Variants in LPL observed in about 807,000 individuals in gnomAD.
LPL encodes lipoprotein lipase.
Under a neutral mutation model 52.2 loss-of-function variants are expected in LPL, and 43 were observed. The ratio of observed to expected loss-of-function variants is 0.82; its 90% CI spans 0.64 to 1.06. LPL has a LOEUF of 1.06. Among genes scored for constraint, LPL ranks in the 50% least tolerant of loss-of-function variants. The pLI is 0.00. For missense variants in LPL, 639 were observed against 585.3 expected (o/e 1.09, Z -0.95); for synonymous variants, 244 against 215.6 (o/e 1.13, Z -1.15).
At position 19,962,158 on chromosome 8, in the gene LPL, G is replaced by A; in HGVS notation, c.1366G>A (p.Gly456Arg). The A allele has an allele frequency of 1.2e-6, 2 of 1,613,932 alleles. No homozygotes were observed. Among genetic ancestry groups the A allele is most frequent in the Non-Finnish European group, 1.7e-6 (2 of 1,179,862 alleles). ...GGAGAAAGTGTCTCATTTGCAGAAA[G>A]GAAAGGCACCTGCGGTATTTGTGAA... Reference protein sequence around the residue: ...SREKVSHLQKGKAPAVFVKCH... With the variant: ...SREKVSHLQKRKAPAVFVKCH... Residue 456 changes from glycine to arginine, a missense_variant, in exon 9 of 10, where the codon GGA becomes AGA. Gly to Arg is a moderately radical substitution (Grantham distance 125). Coordinates refer to ENST00000650287, the MANE Select transcript of LPL (RefSeq NM_000237.3).
chr8:19,954,390 T>C lies in LPL; in HGVS notation c.775+37T>C, dbSNP rs255. ...TTAGAAGCGAATTAAATGTGACTCTTATCCTTAACCCTTATTGACCCAATG... is the reference window on the plus strand; with the variant it reads ...TTAGAAGCGAATTAAATGTGACTCTCATCCTTAACCCTTATTGACCCAATG... On this transcript the variant is annotated intron_variant, in intron 5 of 9. Coordinates refer to ENST00000650287, the MANE Select transcript of LPL (RefSeq NM_000237.3). The C allele has an allele frequency of 0.16, 248,622 of 1,581,682 alleles. 20,369 individuals are homozygous for C. Among genetic ancestry groups the C allele is most frequent in the African/African-American group, 0.23 (16,923 of 74,298 alleles).
Position 19,939,332 on chromosome 8 carries a change from G to T in LPL, c.-109G>T. 9.7e-7 allele frequency: 1 copy of T among 1,033,376 alleles called. No individual in the cohort carries two copies. The highest frequency in any genetic ancestry group is 1.4e-5 in the South Asian group (1 of 72,774). 64.0% of individuals were successfully genotyped at this position (1,033,376 alleles called of 1,614,324 possible). On this transcript the variant is annotated 5_prime_UTR_variant, in exon 1 of 10. Coordinates refer to ENST00000650287, the MANE Select transcript of LPL (RefSeq NM_000237.3). The surrounding 1 kb of genome is among the most constrained non-coding windows in gnomAD (Gnocchi z 4.0). ...GCTGCCCTGCCATCCCCTTTAAAGG[G>T]CGACTTGCTCAGCGCCAAACCGCGG...
intron 9 of LPL, among the ~76,000 whole-genome samples, chr8:19,962,946 T>G (rs1261173186): frequency 6.6e-6 from 1 of 152,174 alleles, no homozygotes; most frequent in Non-Finnish European, 1.5e-5. Context: ...ATTCCAGGAA[T>G]ATGCCCTTTT....
At position 19,953,417 on chromosome 8, in the gene LPL, T is replaced by C; in HGVS notation, c.537T>C (p.Ile179=). ...GSLTNKKVNR[I]TGLDPAGPNF... ...TGACCAATAAGAAAGTCAACAGAAT[T>C]ACTGGTAAGAAAGCAATTTCGTTGG... Residue 179 remains isoleucine, a synonymous_variant, in exon 4 of 10, where the codon ATT becomes ATC. Coordinates refer to ENST00000650287, the MANE Select transcript of LPL (RefSeq NM_000237.3). The C allele has an allele frequency of 6.2e-7, 1 of 1,611,632 alleles. No individual in the cohort carries two copies. The highest frequency in any genetic ancestry group is 1.1e-5 in the South Asian group (1 of 91,048).
intron 5 of LPL, among the ~76,000 whole-genome samples, chr8:19,954,952 C>A (rs1356341646): frequency 6.6e-6 from 1 of 152,162 alleles, no homozygotes; most frequent in Non-Finnish European, 1.5e-5. Context: ...GATCCTCCTG[C>A]CTCAGCCTCC....
intron 1 of LPL, among the ~76,000 whole-genome samples, chr8:19,943,839 C>T (rs948154238): frequency 1.4e-4 from 21 of 152,078 alleles, no homozygotes; most frequent in African/African-American, 5.1e-4. Context: ...GGGTAAAATT[C>T]AGATGATTCA....
intron 1 of LPL, among the ~76,000 whole-genome samples, chr8:19,947,128 TGCCA>T (rs1563568370): frequency 6.6e-6 from 1 of 152,220 alleles, no homozygotes. Context: ...AAGTATATCT[TGCCA>T]TAGGAGTGGG....
rs1034636498 is a variant in LPL at position 19,939,672 on chromosome 8, G to T, written c.88+144G>T. 24 of 827,418 alleles carry T rather than the reference G, an allele frequency of 2.9e-5. No individual in the cohort carries two copies. Among genetic ancestry groups the T allele is most frequent in the Admixed American group, 1.0e-4 (4 of 38,550 alleles). The allele number at this position is 827,418 out of a possible 1,614,324, so 51.3% of individuals were successfully genotyped here. A position where few individuals can be genotyped will look rare whatever the true frequency, so the allele number is the denominator to read the frequency against. ...CCAGCCTGGGCTCTAGCCCCGAAAC[G>T]GTCCCCGGAGTGGGATCCAGGAGGG... is the stretch of plus-strand genomic sequence containing the variant. On this transcript the variant is annotated intron_variant, in intron 1 of 9. Transcript: ENST00000650287. This position sits in a 1 kb window ranked among gnomAD's most constrained non-coding sequence, Gnocchi z 4.0.
chr8:19,951,062 C>T (rs2069930392), intron 2 of LPL, among the ~76,000 whole-genome samples: 1 of 152,144 alleles, frequency 6.6e-6, no homozygotes, highest in Non-Finnish European at 1.5e-5. Context: ...TGGGGACTCA[C>T]AGGCACAGAC....
intron 1 of LPL, among the ~76,000 whole-genome samples, chr8:19,943,155 T>C (rs2069854492): frequency 6.6e-6 from 1 of 152,230 alleles, no homozygotes; most frequent in South Asian, 2.1e-4. Context: ...TTCGTAAATG[T>C]TGAAGTCTCT....
chr8:19,951,654 C>G (rs1277596707), intron 2 of LPL, 115 bp from the exon 3 acceptor site: 3 of 1,099,674 alleles, frequency 2.7e-6, no homozygotes, highest in Non-Finnish European at 2.8e-6. Context: ...TCTATCTGTG[C>G]CAATGGGTTT....
Position 19,965,589 on chromosome 8 carries a change from A to G in LPL, c.*279A>G. 2.3e-6 allele frequency: 1 copy of G among 431,558 alleles called. No individual in the cohort carries two copies. Among genetic ancestry groups the G allele is most frequent in the East Asian group, 3.7e-5 (1 of 27,274 alleles). 26.7% of individuals were successfully genotyped at this position (431,558 alleles called of 1,614,324 possible). On this transcript the variant is annotated 3_prime_UTR_variant, in exon 10 of 10. Coordinates refer to ENST00000650287, the MANE Select transcript of LPL (RefSeq NM_000237.3). ...AAAGTGCTGTTTTGTCCTTTGAGAA[A>G]GAAATAATTGTTTGAGCGCAGAGTA...
chr8:19,967,075 G>C lies in LPL; in HGVS notation c.*1765G>C, dbSNP rs1254827596. The C allele has an allele frequency of 1.3e-5, 2 of 152,544 alleles. No individual in the cohort carries two copies. Among genetic ancestry groups the C allele is most frequent in the African/African-American group, 4.8e-5 (2 of 41,412 alleles). The allele number at this position is 152,544 out of a possible 1,614,324, so 9.4% of individuals were successfully genotyped here. ...AATGGAGCTTGTACATATTGGAAAG[G>C]TCATTGTGGCTATCTGCATTTATAA... On this transcript the variant is annotated 3_prime_UTR_variant, in exon 10 of 10. Coordinates refer to ENST00000650287, the MANE Select transcript of LPL (RefSeq NM_000237.3).
rs376900855 is a variant in LPL, at chr8:19,948,777, C to T, written c.249+437C>T. ...TGAGGAAGTGTGGCGTCCATGCTGGCTTTGCCATTCTCCAGCTCTGTGCTG... is the reference window on the plus strand; with the variant it reads ...TGAGGAAGTGTGGCGTCCATGCTGGTTTTGCCATTCTCCAGCTCTGTGCTG... On this transcript the variant is annotated intron_variant, in intron 2 of 9. Transcript: ENST00000650287. Among the ~76,000 whole-genome samples the T allele has an allele frequency of 6.6e-5, 10 of 152,268 alleles. No homozygotes were observed. In the East Asian group the frequency reaches 1.5e-3, roughly 24 times the overall value.
intron 1 of LPL, among the ~76,000 whole-genome samples, chr8:19,941,065 C>T (rs1239509490): frequency 6.6e-6 from 1 of 152,162 alleles, no homozygotes; most frequent in Non-Finnish European, 1.5e-5. Flanking sequence ...GCACTTCATC[C>T]TGGGTGACAG....
intron 9 of LPL, among the ~76,000 whole-genome samples, chr8:19,964,982 T>C (rs571279766): frequency 2.4e-3 from 367 of 152,324 alleles, no homozygotes; most frequent in Non-Finnish European, 4.4e-3. Context: ...AGAAACCTCA[T>C]ATCACAAGAA....
At chr8:19,948,383 G>C in intron 2 of LPL, 43 bp downstream of exon 2, 3 of 1,610,710 alleles carry the variant, frequency 1.9e-6, no homozygotes, top group Non-Finnish European at 2.5e-6. Context: ...GGGTGGTGAG[G>C]TATCCTGACT....
intron 6 of LPL, among the ~76,000 whole-genome samples, chr8:19,958,966 A>G (rs1455144663): frequency 1.3e-5 from 2 of 152,120 alleles, no homozygotes; most frequent in Non-Finnish European, 2.9e-5. Flanking sequence ...TCTCCCTAGC[A>G]CCCCTCAAAG....
intron 1 of LPL, among the ~76,000 whole-genome samples, chr8:19,942,493 A>G (rs1377036842): frequency 6.6e-6 from 1 of 152,226 alleles, no homozygotes; most frequent in African/African-American, 2.4e-5. Context: ...TAAAAACAAC[A>G]AAAACACTTA....
Sources: gnomAD v4.1 joint callset for allele counts (sites outside exome capture counted in the v4.1 genomes callset) on GRCh38, gnomAD v4.1.1 for gene constraint, Gnocchi (gnomAD v3.1) non-coding constraint, MANE v1.5 for transcripts, NCBI Gene and HGNC (gene_info 2026-07-23, HGNC 2026-07-21) for gene names.